CKLF: variants seen among roughly 807,000 people sequenced by gnomAD.
The protein encoded by CKLF is chemokine like factor, also known as chemokine-like factor.
A neutral mutation model predicts 12.9 loss-of-function variants in CKLF; 16 were observed. That is an observed-to-expected ratio of 1.24 (90% CI 0.84 to 1.88). The LOEUF is 1.88. Among genes scored for constraint, CKLF ranks in the 40% most tolerant of loss-of-function variants. CKLF has a pLI of 0.00. For missense variants in CKLF, 172 were observed against 188.5 expected (o/e 0.91, Z 0.51); for synonymous variants, 61 against 69.0 (o/e 0.88, Z 0.57).
In CKLF at chr16:66,558,045, C is replaced by T. The variant is rs527830916; in HGVS notation, c.79-145C>T. On this transcript the variant is annotated intron_variant, in intron 1 of 3. Transcript: ENST00000264001. ...CTGGTCTTGAACTCCTAGCTTCAAG[C>T]GATCCTCCTACCTCAGCCTCCCAAA... 9.2e-5 allele frequency: 111 copies of T among 1,209,024 alleles called. No individual in the cohort carries two copies. The East Asian group carries it at 2.1e-3, about 22-fold the overall frequency. 74.9% of individuals were successfully genotyped at this position (1,209,024 alleles called of 1,614,324 possible).
intron 1 of CKLF, among the ~76,000 whole-genome samples, chr16:66,556,575 T>C (rs2011460673): frequency 6.6e-6 from 1 of 152,142 alleles, no homozygotes; most frequent in South Asian, 2.1e-4. Flanking sequence ...ATGAAAAAGG[T>C]TACAGAGGAT....
At chr16:66,561,975 A>G (rs926697275) in intron 2 of CKLF, among the ~76,000 whole-genome samples, 3 of 152,254 alleles carry the variant, frequency 2.0e-5, no homozygotes, top group South Asian at 2.1e-4. Context: ...CGAATGAGCT[A>G]TATCATCAGC....
At chr16:66,562,985 G>A (rs913715492) in intron 2 of CKLF, 137 bp from the exon 3 acceptor site, 2 of 902,914 alleles carry the variant, frequency 2.2e-6, no homozygotes, top group Admixed American at 2.2e-5. Flanking sequence ...CAAAGTGCTG[G>A]GATTACAGGC....
chr16:66,558,475 C>A (rs1298705393), intron 2 of CKLF, 127 bp downstream of exon 2: 3 of 1,324,578 alleles, frequency 2.3e-6, no homozygotes, highest in African/African-American at 2.9e-5. Flanking sequence ...AGGAGGAGCT[C>A]TACCCATTGC....
rs1965848511 is a variant in CKLF at position 66,552,637 on chromosome 16, C to T, written c.-79C>T. 4 of 1,605,444 alleles carry T rather than the reference C, an allele frequency of 2.5e-6. No individual in the cohort carries two copies. The highest frequency in any genetic ancestry group is 3.3e-4 in the Middle Eastern group (2 of 6,004). ...CGGTGCTCCGCCGCGGTGGCGGTTGCTATCGCTTCGCAGAACCTACTCAGG... is the reference window on the plus strand; with the variant it reads ...CGGTGCTCCGCCGCGGTGGCGGTTGTTATCGCTTCGCAGAACCTACTCAGG... On this transcript the variant is annotated 5_prime_UTR_variant, in exon 1 of 4. Coordinates refer to ENST00000264001, the MANE Select transcript of CKLF (RefSeq NM_016951.4).
rs2011867132 is a variant in CKLF, at chr16:66,563,160, C to T, written c.276C>T (p.Leu92=). 1 of 1,614,106 alleles carries T rather than the reference C, an allele frequency of 6.2e-7. No homozygotes were observed. The highest frequency in any genetic ancestry group is 8.5e-7 in the Non-Finnish European group (1 of 1,180,030). ...INSLVTTVFM[L]IVSVLALIPE... is the part of the protein sequence containing the mutation. ...CACTGGTAACAACAGTATTCATGCT[C>T]ATCGTATCTGTGTTGGCACTGATAC... is the stretch of plus-strand genomic sequence containing the variant. The change falls in exon 3 of 4, where the codon CTC becomes CTT. Residue 92 remains leucine (L), a synonymous_variant. Coordinates refer to ENST00000264001, the MANE Select transcript of CKLF (RefSeq NM_016951.4).
At chr16:66,560,840 T>TAC (rs1381456737) in intron 2 of CKLF, among the ~76,000 whole-genome samples, 2 of 130,386 alleles carry the variant, frequency 1.5e-5, no homozygotes, top group African/African-American at 2.9e-5. Context: ...CACACACACT[T>TAC]TCTCTCTCTC....
chr16:66,558,082 A>C (rs891148303), intron 1 of CKLF, 108 bp from the exon 2 acceptor site: 30 of 1,512,514 alleles, frequency 2.0e-5, no homozygotes, highest in Non-Finnish European at 2.4e-5. Flanking sequence ...TGCTGGGATT[A>C]TAGGCATGAC....
At chr16:66,566,197 G>C (rs1042848215), downstream of CKLF, 19 of 1,522,902 alleles carry the variant, frequency 1.2e-5, no homozygotes, top group Non-Finnish European at 1.7e-5. This position sits in a 1 kb window ranked among gnomAD's most constrained non-coding sequence, Gnocchi z 4.9. Flanking sequence ...GGGTTTTCCG[G>C]CACCCGGGCC....
chr16:66,565,519 G>A (rs2012179706), intron 3 of CKLF: 1 of 200,946 alleles, frequency 5.0e-6, no homozygotes, highest in African/African-American at 2.3e-5. Flanking sequence ...AGAGAAGTCA[G>A]AGTTGAACAC....
downstream of CKLF, chr16:66,566,253 G>C: frequency 6.8e-7 from 1 of 1,462,522 alleles, no homozygotes; most frequent in Admixed American, 2.7e-5. The surrounding 1 kb of genome is among the most constrained non-coding windows in gnomAD (Gnocchi z 4.9). Context: ...AGGGATCTTT[G>C]AATCTCTTTA....
At chr16:66,563,253 T>C in intron 3 of CKLF, 36 bp downstream of exon 3, 2 of 1,605,406 alleles carry the variant, frequency 1.2e-6, no homozygotes, top group Non-Finnish European at 8.5e-7. Flanking sequence ...TTCTTCAGGT[T>C]TTATCAGAAT....
chr16:66,563,090 A>C (rs1295333661), intron 2 of CKLF, 32 bp from the exon 3 acceptor site: 5 of 1,612,006 alleles, frequency 3.1e-6, no homozygotes, highest in Non-Finnish European at 8.5e-7. Flanking sequence ...GGTAGTCTTC[A>C]TGTAAGGCTC....
chr16:66,563,041 TG>T lies in CKLF; in HGVS notation c.238-80del, dbSNP rs760832681. The T allele has an allele frequency of 1.2e-4, 177 of 1,538,862 alleles. 2 individuals carry two copies. The Admixed American group carries it at 2.7e-3, about 23-fold the overall frequency. ...TGCTGACTTTGTTTTTTGTTGTTGTTGTTTTTTTGTTTTTTGTTTTTCCTTT... is the reference window on the plus strand; with the variant it reads ...TGCTGACTTTGTTTTTTGTTGTTGTTTTTTTTTGTTTTTTGTTTTTCCTTT... On this transcript the variant is annotated intron_variant, in intron 2 of 3. Coordinates refer to ENST00000264001, the MANE Select transcript of CKLF (RefSeq NM_016951.4).
chr16:66,554,299 G>A (rs1447616691), intron 1 of CKLF, among the ~76,000 whole-genome samples: 1 of 152,222 alleles, frequency 6.6e-6, no homozygotes, highest in Non-Finnish European at 1.5e-5. Context: ...ACACAGAAGC[G>A]AGGCGTCTAA....
At chr16:66,553,040 G>A (rs983364597) in intron 1 of CKLF, among the ~76,000 whole-genome samples, 1 of 152,136 alleles carries the variant, frequency 6.6e-6, no homozygotes, top group Non-Finnish European at 1.5e-5. Context: ...CACACCTGTG[G>A]TCCCAGCACT....
At chr16:66,565,489 CT>C (rs1421614419) in intron 3 of CKLF, 2 of 182,244 alleles carry the variant, frequency 1.1e-5, no homozygotes, top group Non-Finnish European at 2.3e-5. Flanking sequence ...TTGACCTTTT[CT>C]TCTGTAGAGT....
intron 3 of CKLF, among the ~76,000 whole-genome samples, chr16:66,563,993 G>A (rs1416054410): frequency 2.6e-5 from 4 of 152,186 alleles, no homozygotes; most frequent in African/African-American, 7.2e-5. Context: ...TATGTCAGAA[G>A]CCATGATTTT....
chr16:66,563,402 T>A (rs1408766524), intron 3 of CKLF, among the ~76,000 whole-genome samples, 185 bp downstream of exon 3: 1 of 152,216 alleles, frequency 6.6e-6, no homozygotes, highest in Non-Finnish European at 1.5e-5. Flanking sequence ...TGAAGGAGTA[T>A]GATTTTATAC....
Sources: gnomAD v4.1 joint callset for allele counts (sites outside exome capture counted in the v4.1 genomes callset) on GRCh38, gnomAD v4.1.1 for gene constraint, Gnocchi (gnomAD v3.1) non-coding constraint, MANE v1.5 for transcripts, NCBI Gene and HGNC (gene_info 2026-07-23, HGNC 2026-07-21) for gene names.